The following NCCRP1 variants were observed in gnomAD, a reference collection of about 807,000 sequenced individuals.
NCCRP1 encodes NCCRP1, F-box associated domain containing, also known as F-box only protein 50.
NCCRP1 carries 32 observed loss-of-function variants against 34.4 expected under a neutral mutation model. That is an observed-to-expected ratio of 0.93 (90% confidence interval 0.70 to 1.25). The LOEUF is 1.25. Among genes scored for constraint, NCCRP1 ranks in the 50% most tolerant of loss-of-function variants. The pLI is 0.00. For synonymous variants in NCCRP1, 172 were observed against 180.1 expected (o/e 0.95, Z 0.36); for missense variants, 372 against 391.8 (o/e 0.95, Z 0.43).
intron 3 of NCCRP1, 76 bp from the exon 4 acceptor site, chr19:39,199,094 G>A (rs2074775380): frequency 7.2e-7 from 1 of 1,387,708 alleles, no homozygotes; most frequent in Admixed American, 1.7e-5. Context: ...CCCTAAGAAA[G>A]CACTAAGACA....
In NCCRP1 at chr19:39,200,514, C is replaced by A; in HGVS notation, c.687+30C>A. 1 of 1,611,268 alleles carries A rather than the reference C, an allele frequency of 6.2e-7. No homozygotes were observed. The highest frequency in any genetic ancestry group is 8.5e-7 in the Non-Finnish European group (1 of 1,179,002). On this transcript the variant is annotated intron_variant, in intron 5 of 5. Transcript: ENST00000339852. This position sits in a 1 kb window ranked among gnomAD's most constrained non-coding sequence, Gnocchi z 5.8. The stretch of plus-strand genomic sequence containing the variant: ...GACTCTCCGCGCCGGGGCCCTCAAC[C>A]CCAGACGTGTGTTCTTGTCCCAAGA...
At chr19:39,199,505 C>CT (rs2074778661) in intron 4 of NCCRP1, among the ~76,000 whole-genome samples, 1 of 74,032 alleles carries the variant, frequency 1.4e-5, no homozygotes, top group Non-Finnish European at 2.8e-5. Flanking sequence ...TTTCTTTTTT[C>CT]TTTCTTTTTT....
chr19:39,199,222 G>A lies in NCCRP1; in HGVS notation c.505G>A (p.Glu169Lys), dbSNP rs146256078. 1.5e-4 allele frequency: 249 copies of A among 1,613,972 alleles called. No individual in the cohort carries two copies. The highest frequency in any genetic ancestry group is 2.0e-4 in the Non-Finnish European group (231 of 1,180,030). ...CCTTCTGGCCGAGGGCCTGTGGGAGGAGCTGCTGGATGACGAACAACCAGC... is the reference window on the plus strand; with the variant it reads ...CCTTCTGGCCGAGGGCCTGTGGGAGAAGCTGCTGGATGACGAACAACCAGC... ...VDLLAEGLWE[E>K]LLDDEQPAIT... The change falls in exon 4 of 6, where the codon GAG (glutamate) becomes AAG (lysine). Residue 169 changes from glutamate to lysine, a missense_variant. Transcript: ENST00000339852.
At chr19:39,198,625 C>T (rs374213965) in intron 3 of NCCRP1, among the ~76,000 whole-genome samples, 1 of 152,116 alleles carries the variant, frequency 6.6e-6, no homozygotes, top group African/African-American at 2.4e-5. Context: ...ATGCCCAGCT[C>T]ATTTTGTATT....
At chr19:39,198,812 T>A (rs1480710241) in intron 3 of NCCRP1, among the ~76,000 whole-genome samples, 1 of 151,888 alleles carries the variant, frequency 6.6e-6, no homozygotes, top group Non-Finnish European at 1.5e-5. Context: ...AGGGGAAGAG[T>A]CACCCCAGGC....
intron 3 of NCCRP1, among the ~76,000 whole-genome samples, chr19:39,198,706 G>T (rs778378724): frequency 2.0e-5 from 3 of 152,118 alleles, no homozygotes; most frequent in Non-Finnish European, 4.4e-5. Flanking sequence ...TGATCTGCCT[G>T]CCTCAGCCTC....
At chr19:39,199,992 G>A (rs996348816) in intron 4 of NCCRP1, among the ~76,000 whole-genome samples, 3 of 151,774 alleles carry the variant, frequency 2.0e-5, no homozygotes, top group Non-Finnish European at 4.4e-5. Context: ...CCCTCTGCCT[G>A]GGTCCCCAAT....
rs898216080 is a variant in NCCRP1, at chr19:39,197,190, C to T, written c.208C>T (p.Arg70Trp). 7.0e-7 allele frequency: 1 copy of T among 1,427,642 alleles called. No individual in the cohort carries two copies. The highest frequency in any genetic ancestry group is 9.1e-7 in the Non-Finnish European group (1 of 1,104,742). 88.4% of individuals were successfully genotyped at this position (1,427,642 alleles called of 1,614,324 possible). A position where few individuals can be genotyped will look rare whatever the true frequency, so the allele number is the denominator to read the frequency against. Residue 70 changes from arginine to tryptophan, a missense_variant, in exon 1 of 6, where the codon CGG becomes TGG. By Grantham distance (101) the Arg-to-Trp change is moderately radical. Transcript: ENST00000339852. ...EPAQPSEAHA[R>W]QLLLEEWGPL... ...GGCGCAGCCGTCCGAGGCTCACGCC[C>T]GGCAGCTGCTGCTGGAGGAGTGGGG... is the stretch of plus-strand genomic sequence containing the variant.
Position 39,198,250 on chromosome 19 carries a change from A to T in NCCRP1, c.449A>T (p.Gln150Leu). 1 of 1,614,064 alleles carries T rather than the reference A, an allele frequency of 6.2e-7. No individual in the cohort carries two copies. The highest frequency in any genetic ancestry group is 8.5e-7 in the Non-Finnish European group (1 of 1,180,008). The change falls in exon 3 of 6, where the codon CAA (glutamine) becomes CTA (leucine). Residue 150 changes from glutamine (Q) to leucine (L), a missense_variant. Physicochemically the swap from Gln to Leu is moderately radical, Grantham distance 113. Transcript: ENST00000339852. ...YIRTEKLQQN[Q>L]SWTVKQQCVD... ...AGAACTGAAAAGCTCCAGCAGAACC[A>T]AAGGTGAGTCGCCAGGGCCAGTGTG...
rs148913210 is a variant in NCCRP1 at position 39,200,139 on chromosome 19, G to A, written c.549-207G>A. On this transcript the variant is annotated intron_variant, in intron 4 of 5. Coordinates refer to ENST00000339852, the MANE Select transcript of NCCRP1 (RefSeq NM_001001414.2). This position sits in a 1 kb window ranked among gnomAD's most constrained non-coding sequence, Gnocchi z 5.8. ...CCGTTCCTGGCTGTCATGTTTGGTG[G>A]CATGCCTGCCTCCCTCACTGGACTG... Among the ~76,000 whole-genome samples the A allele has an allele frequency of 1.1e-3, 168 of 152,300 alleles. 4 individuals are homozygous for A. In the East Asian group the frequency reaches 0.028, roughly 25 times the overall value.
At chr19:39,199,332 C>A in intron 4 of NCCRP1, 67 bp downstream of exon 4, 1 of 1,423,134 alleles carries the variant, frequency 7.0e-7, no homozygotes, top group Non-Finnish European at 9.8e-7. Context: ...ATGAGCCTTA[C>A]TCTGAGCTCC....
At chr19:39,199,843 T>C (rs181929137) in intron 4 of NCCRP1, among the ~76,000 whole-genome samples, 4 of 152,146 alleles carry the variant, frequency 2.6e-5, no homozygotes, top group Admixed American at 2.6e-4. Context: ...CCTGTCACCC[T>C]CTATTCTCAA....
chr19:39,199,165 C>T lies in NCCRP1; in HGVS notation c.453-5C>T, dbSNP rs759024899. 1 of 1,613,942 alleles carries T rather than the reference C, an allele frequency of 6.2e-7. No individual in the cohort carries two copies. The highest frequency in any genetic ancestry group is 8.5e-7 in the Non-Finnish European group (1 of 1,179,844). ...ACCCCGCCTCTCCCGGCCCTTCTTT[C>T]ACAGCTGGACAGTGAAGCAGCAGTG... On this transcript the variant is annotated splice_polypyrimidine_tract_variant and splice_region_variant and intron_variant, in intron 3 of 5. Coordinates refer to ENST00000339852, the MANE Select transcript of NCCRP1 (RefSeq NM_001001414.2).
rs1600432781 is a variant in NCCRP1 at position 39,197,943 on chromosome 19, A to T, written c.338-110A>T. The T allele has an allele frequency of 3.1e-6, 4 of 1,311,266 alleles. No individual in the cohort carries two copies. The Admixed American group carries it at 5.2e-5, about 17-fold the overall frequency. 81.2% of individuals were successfully genotyped at this position (1,311,266 alleles called of 1,614,324 possible). A position where few individuals can be genotyped will look rare whatever the true frequency, so the allele number is the denominator to read the frequency against. On this transcript the variant is annotated intron_variant, in intron 1 of 5. Transcript: ENST00000339852. ...CACTCATCCCTGCCGGGCTTCCCTG[A>T]CCTGGCACAGATTCCTGCCCTTCCA... is the stretch of plus-strand genomic sequence containing the variant.
intron 3 of NCCRP1, among the ~76,000 whole-genome samples, chr19:39,198,782 T>C (rs1297947636): frequency 6.6e-6 from 1 of 152,086 alleles, no homozygotes; most frequent in Non-Finnish European, 1.5e-5. Context: ...TTGTAATTAT[T>C]CTAAGGCTCT....
rs1261212341 is a variant in NCCRP1 at position 39,199,166 on chromosome 19, A to T, written c.453-4A>T. 3 of 1,613,752 alleles carry T rather than the reference A, an allele frequency of 1.9e-6. No individual in the cohort carries two copies. The South Asian group carries it at 3.3e-5, about 18-fold the overall frequency. ...CCCCGCCTCTCCCGGCCCTTCTTTC[A>T]CAGCTGGACAGTGAAGCAGCAGTGT... On this transcript the variant is annotated splice_polypyrimidine_tract_variant and splice_region_variant and intron_variant, in intron 3 of 5. Coordinates refer to ENST00000339852, the MANE Select transcript of NCCRP1 (RefSeq NM_001001414.2).
rs200152362 is a variant in NCCRP1 at position 39,200,732 on chromosome 19, C to G, written c.804C>G (p.Ser268=). ...GLRRTRVTDS[S]VSVQLRE ...GGCGGACACGGGTGACCGACTCCTCCGTGTCTGTGCAGCTCCGGGAGTGAC... is the reference window on the plus strand; with the variant it reads ...GGCGGACACGGGTGACCGACTCCTCGGTGTCTGTGCAGCTCCGGGAGTGAC... Residue 268 remains serine (S), a synonymous_variant, in exon 6 of 6, where the codon TCC becomes TCG. Transcript: ENST00000339852. The surrounding 1 kb of genome is among the most constrained non-coding windows in gnomAD (Gnocchi z 5.8). 1.2e-6 allele frequency: 2 copies of G among 1,612,884 alleles called. No individual in the cohort carries two copies. The highest frequency in any genetic ancestry group is 1.1e-5 in the South Asian group (1 of 91,070).
At chr19:39,198,165 G>T in intron 2 of NCCRP1, 37 bp from the exon 3 acceptor site, 1 of 1,614,140 alleles carries the variant, frequency 6.2e-7, no homozygotes, top group Non-Finnish European at 8.5e-7. Flanking sequence ...GTCCTCCAGC[G>T]TTGGGGTGTC....
rs2074771786 is a variant in NCCRP1, at chr19:39,198,238, T to C, written c.437T>C (p.Leu146Pro). Residue 146 changes from leucine (L) to proline (P), a missense_variant, in exon 3 of 6, where the codon CTC becomes CCC. Physicochemically the swap from Leu to Pro is moderately conservative, Grantham distance 98. Transcript: ENST00000339852. ...FRGWYIRTEK[L>P]QQNQSWTVKQ... Reference sequence around the variant, plus strand: ...GGCTGGTACATTAGAACTGAAAAGCTCCAGCAGAACCAAAGGTGAGTCGCC... The same window carrying C: ...GGCTGGTACATTAGAACTGAAAAGCCCCAGCAGAACCAAAGGTGAGTCGCC... 6.2e-7 allele frequency: 1 copy of C among 1,613,942 alleles called. No individual in the cohort carries two copies. Among genetic ancestry groups the C allele is most frequent in the Non-Finnish European group, 8.5e-7 (1 of 1,180,010 alleles).
Sources: gnomAD v4.1 joint callset for allele counts (sites outside exome capture counted in the v4.1 genomes callset) on GRCh38, gnomAD v4.1.1 for gene constraint, Gnocchi (gnomAD v3.1) non-coding constraint, MANE v1.5 for transcripts, NCBI Gene and HGNC (gene_info 2026-07-23, HGNC 2026-07-21) for gene names.